The following ARSB variants were observed in gnomAD, a reference collection of about 807,000 sequenced individuals.
ARSB encodes arylsulfatase B, also known as N-acetylgalactosamine-4-sulfatase.
Under a neutral mutation model 50.9 loss-of-function variants are expected in ARSB, and 41 were observed. That is an observed-to-expected ratio of 0.81 (90% CI 0.63 to 1.04). ARSB has a LOEUF of 1.04. ARSB is among the 50% of genes least tolerant of loss of function. The pLI, the probability that ARSB is intolerant of heterozygous loss-of-function variation, is 0.00. For missense variants in ARSB, 672 were observed against 693.3 expected, an observed-to-expected ratio of 0.97 and a Z score of 0.35; for synonymous variants, 269 against 284.8, an observed-to-expected ratio of 0.94 and a Z score of 0.56.
chr5:78,936,116 CCT>C lies in ARSB; in HGVS notation c.898+19177_898+19178del, dbSNP rs1180527893. Reference sequence around the variant, plus strand: ...CTCTCTCTCTTTCCCTCCATCCCTTCCTCTCTCTCTCTCTTTTTTTTTTTTTT... The same window carrying C: ...CTCTCTCTCTTTCCCTCCATCCCTTCCTCTCTCTCTCTTTTTTTTTTTTTT... On this transcript the variant is annotated intron_variant, in intron 4 of 7. Coordinates refer to ENST00000264914, the MANE Select transcript of ARSB (RefSeq NM_000046.5). 3.9e-5 allele frequency among the ~76,000 whole-genome samples: 4 copies of C among 103,680 alleles called. No homozygotes were observed. In the South Asian group the frequency reaches 1.2e-3, roughly 30 times the overall value. 68.0% of individuals were successfully genotyped at this position (103,680 alleles called of 152,430 possible). A position where few individuals can be genotyped will look rare whatever the true frequency, so the allele number is the denominator to read the frequency against.
intron 5 of ARSB, among the ~76,000 whole-genome samples, chr5:78,856,547 G>A (rs1235407157): frequency 6.6e-6 from 1 of 152,182 alleles, no homozygotes; most frequent in African/African-American, 2.4e-5. Context: ...AAGTGGGTTG[G>A]AGAAAAAGTG....
At chr5:78,925,780 C>A (rs6890675) in intron 4 of ARSB, among the ~76,000 whole-genome samples, 3 of 152,092 alleles carry the variant, frequency 2.0e-5, no homozygotes, top group African/African-American at 7.2e-5. Context: ...CTGTGCTTTT[C>A]GACAAATGAC....
At position 78,965,862 on chromosome 5, in the gene ARSB, A is replaced by G. The variant is rs187230748; in HGVS notation, c.500-1256T>C. On this transcript the variant is annotated intron_variant, in intron 2 of 7. Transcript: ENST00000264914. ...TGACTCAATAAATTCAAGATCTTGA[A>G]TACAATTAATACTTTGGTCTTAAAA... Among the ~76,000 whole-genome samples the G allele has an allele frequency of 2.2e-3, 332 of 152,348 alleles. 1 individual carries two copies. Among genetic ancestry groups the G allele is most frequent in the African/African-American group, 7.9e-3 (327 of 41,582 alleles).
At chr5:78,978,298 TC>T (rs1752751084) in intron 1 of ARSB, among the ~76,000 whole-genome samples, 1 of 147,976 alleles carries the variant, frequency 6.8e-6, no homozygotes, top group East Asian at 2.0e-4. Context: ...AACACTGTGC[TC>T]CAGCCTGGGC....
intron 4 of ARSB, among the ~76,000 whole-genome samples, chr5:78,928,631 G>C (rs962683271): frequency 1.3e-5 from 2 of 152,010 alleles, no homozygotes; most frequent in Non-Finnish European, 2.9e-5. Context: ...TGCTATTTTT[G>C]TGAATGAAGG....
chr5:78,779,613 C>T lies in ARSB; in HGVS notation c.*784G>A, dbSNP rs1748866858. 1 of 152,420 alleles carries T rather than the reference C, an allele frequency of 6.6e-6. No homozygotes were observed. Among genetic ancestry groups the T allele is most frequent in the Admixed American group, 6.5e-5 (1 of 15,280 alleles). The allele number at this position is 152,420 out of a possible 1,614,324, so 9.4% of individuals were successfully genotyped here. ...CCCTAGGGGCAAAAGTAAGGCAGGG[C>T]TCAGCAGCGTTCCAGAAATCAGGGG... On this transcript the variant is annotated 3_prime_UTR_variant, in exon 8 of 8. Transcript: ENST00000264914.
At chr5:78,829,235 T>C (rs1050093981) in intron 6 of ARSB, among the ~76,000 whole-genome samples, 1 of 152,244 alleles carries the variant, frequency 6.6e-6, no homozygotes, top group African/African-American at 2.4e-5. Context: ...TGGTTAAGTA[T>C]TGGTTGTTTT....
chr5:78,845,737 T>G (rs1429643417), intron 5 of ARSB, among the ~76,000 whole-genome samples: 1 of 151,900 alleles, frequency 6.6e-6, no homozygotes, highest in Admixed American at 6.6e-5. Flanking sequence ...ATTTGGGGGG[T>G]TTTTCTGTTG....
intron 6 of ARSB, among the ~76,000 whole-genome samples, chr5:78,819,844 G>A (rs1229185104): frequency 6.6e-6 from 1 of 152,244 alleles, no homozygotes; most frequent in Non-Finnish European, 1.5e-5. Flanking sequence ...GGCACAGAAG[G>A]GCCAAGTCAG....
intron 5 of ARSB, among the ~76,000 whole-genome samples, chr5:78,871,479 T>C (rs1581073117): frequency 1.3e-5 from 2 of 150,744 alleles, no homozygotes; most frequent in South Asian, 2.2e-4. Flanking sequence ...TATAGATCAA[T>C]GGAACAGAAC....
At chr5:78,945,071 C>G (rs1751154119) in intron 4 of ARSB, among the ~76,000 whole-genome samples, 1 of 152,220 alleles carries the variant, frequency 6.6e-6, no homozygotes, top group African/African-American at 2.4e-5. Flanking sequence ...GTAGGACCCT[C>G]TGAGCCAGGC....
chr5:78,927,381 T>A (rs996435038), intron 4 of ARSB, among the ~76,000 whole-genome samples: 3 of 152,184 alleles, frequency 2.0e-5, no homozygotes, highest in African/African-American at 7.2e-5. Flanking sequence ...GGCTACCTGT[T>A]GAACAGCACA....
At position 78,942,716 on chromosome 5, in the gene ARSB, GGAATAGGTGTGGTGTGGTGCTGAAAA is replaced by G. The variant is rs1750998410; in HGVS notation, c.898+12553_898+12578del. On this transcript the variant is annotated intron_variant, in intron 4 of 7. Coordinates refer to ENST00000264914, the MANE Select transcript of ARSB (RefSeq NM_000046.5). Reference sequence around the variant, plus strand: ...TACTTCCAACTATGTGGTCAATTTTGGAATAGGTGTGGTGTGGTGCTGAAAAGAATGTATATTCTGTTGATTTGGGG... The same window carrying G: ...TACTTCCAACTATGTGGTCAATTTTGGAATGTATATTCTGTTGATTTGGGG... 2.6e-5 allele frequency among the ~76,000 whole-genome samples: 4 copies of G among 152,096 alleles called. No homozygotes were observed. In the South Asian group the frequency reaches 8.3e-4, roughly 32 times the overall value.
chr5:78,937,314 T>C (rs989763125), intron 4 of ARSB, among the ~76,000 whole-genome samples: 1 of 89,300 alleles, frequency 1.1e-5, no homozygotes, highest in East Asian at 3.9e-4. Context: ...ATATATCATA[T>C]ATATGTAAGA....
intron 6 of ARSB, 48 bp from the exon 7 acceptor site, chr5:78,782,022 G>A: frequency 6.2e-7 from 1 of 1,612,868 alleles, no homozygotes; most frequent in Non-Finnish European, 8.5e-7. Context: ...ATTGGAACGT[G>A]TTGTTATAAA....
intron 1 of ARSB, among the ~76,000 whole-genome samples, chr5:78,970,702 C>T (rs542165681): frequency 6.6e-6 from 1 of 152,266 alleles, no homozygotes; most frequent in Non-Finnish European, 1.5e-5. Context: ...CCCTACAATC[C>T]CAACACTTTG....
chr5:78,831,905 T>G (rs1236029814), intron 6 of ARSB, among the ~76,000 whole-genome samples: 1 of 152,188 alleles, frequency 6.6e-6, no homozygotes, highest in Non-Finnish European at 1.5e-5. Context: ...AAAAATGCCT[T>G]GAAAATGATG....
At chr5:78,841,184 T>TAATAATAATAA (rs1554074368) in intron 5 of ARSB, among the ~76,000 whole-genome samples, 1 of 150,692 alleles carries the variant, frequency 6.6e-6, no homozygotes, top group African/African-American at 2.4e-5. Flanking sequence ...ATAATAATAA[T>TAATAATAATAA]TTGAGCATGG....
At chr5:78,966,826 G>C (rs372733793) in intron 2 of ARSB, among the ~76,000 whole-genome samples, 66 of 151,908 alleles carry the variant, frequency 4.3e-4, no homozygotes, top group African/African-American at 1.5e-3. Flanking sequence ...GGATGTACAG[G>C]CTGTTTGCTC....
Sources: gnomAD v4.1 joint callset for allele counts (sites outside exome capture counted in the v4.1 genomes callset) on GRCh38, gnomAD v4.1.1 for gene constraint, MANE v1.5 for transcripts, NCBI Gene and HGNC (gene_info 2026-07-23, HGNC 2026-07-21) for gene names.